Variants in SNAP47 observed in about 807,000 individuals in gnomAD.
SNAP47 encodes the protein synaptosome associated protein 47.
A neutral mutation model predicts 31.4 loss-of-function variants in SNAP47; 20 were observed. That is an observed-to-expected ratio of 0.64 (90% CI 0.45 to 0.93). The LOEUF is 0.93. SNAP47 is among the 40% of genes least tolerant of loss of function. The pLI, the probability that SNAP47 is intolerant of heterozygous loss-of-function variation, is 0.00. For missense variants in SNAP47, 492 were observed against 528.5 expected (o/e 0.93, Z 0.68); for synonymous variants, 194 against 213.4 (o/e 0.91, Z 0.79).
upstream of SNAP47, chr1:227,734,904 G>A: frequency 6.5e-7 from 1 of 1,545,594 alleles, no homozygotes; most frequent in Non-Finnish European, 8.8e-7. Context: ...GGGGCCACGC[G>A]CCTGGCCTCC....
At chr1:227,773,223 A>C (rs917800097) in intron 4 of SNAP47, among the ~76,000 whole-genome samples, 2 of 143,320 alleles carry the variant, frequency 1.4e-5, no homozygotes, top group African/African-American at 5.2e-5. Flanking sequence ...TTCCCTTCTC[A>C]GCCTCCCAAA....
At chr1:227,732,492 T>C (rs1234100940), upstream of SNAP47, 3 of 1,613,186 alleles carry the variant, frequency 1.9e-6, no homozygotes, top group African/African-American at 2.7e-5. Flanking sequence ...GAAGTCGGGG[T>C]GCGCAACCAA....
At chr1:227,778,888 C>T (rs1664304546) in intron 4 of SNAP47, among the ~76,000 whole-genome samples, 1 of 152,198 alleles carries the variant, frequency 6.6e-6, no homozygotes, top group South Asian at 2.1e-4. Flanking sequence ...TGTAGAAGCC[C>T]TGCTGTCTGG....
chr1:227,776,121 C>A, intron 4 of SNAP47: 1 of 1,165,342 alleles, frequency 8.6e-7, no homozygotes, highest in African/African-American at 1.6e-5. Flanking sequence ...TGCTCCCCTT[C>A]CTGGCTCTGA....
At chr1:227,760,371 C>T (rs1662985523) in intron 3 of SNAP47, among the ~76,000 whole-genome samples, 1 of 152,188 alleles carries the variant, frequency 6.6e-6, no homozygotes. Flanking sequence ...CCCAAACATG[C>T]TATTAGGGAT....
chr1:227,756,825 G>A (rs894093570), intron 2 of SNAP47, among the ~76,000 whole-genome samples: 4 of 152,256 alleles, frequency 2.6e-5, no homozygotes, highest in Admixed American at 6.5e-5. Flanking sequence ...AGGGCTGAGC[G>A]TCCTGGTCCT....
At chr1:227,780,406 G>A (rs10799448) in intron 4 of SNAP47, 121 bp from the exon 5 acceptor site, 709,778 of 1,406,484 alleles carry the variant, frequency 0.5, 180,750 homozygotes, top group Middle Eastern at 0.55. Context: ...CTGCTGGCTC[G>A]CAGATGGCAT....
chr1:227,761,064 A>G (rs1663027409), intron 3 of SNAP47, among the ~76,000 whole-genome samples: 1 of 152,248 alleles, frequency 6.6e-6, no homozygotes, highest in Non-Finnish European at 1.5e-5. Context: ...TTGTGCATGT[A>G]TGTGACATGT....
At chr1:227,750,561 C>T (rs1662282014) in intron 2 of SNAP47, among the ~76,000 whole-genome samples, 2 of 152,232 alleles carry the variant, frequency 1.3e-5, no homozygotes, top group African/African-American at 4.8e-5. Context: ...GCCCTCCCGC[C>T]TGTGGGGTTC....
rs1558221001 is a variant in SNAP47 at position 227,780,896 on chromosome 1, T to G, written c.*223T>G. Reference sequence around the variant, plus strand: ...TGCTGCTGGGCAGGACCCGGCCACATGTTCTGCGGATGCTGCAGAAGTGTG... The same window carrying G: ...TGCTGCTGGGCAGGACCCGGCCACAGGTTCTGCGGATGCTGCAGAAGTGTG... On this transcript the variant is annotated 3_prime_UTR_variant, in exon 5 of 5. Coordinates refer to ENST00000617596, the MANE Select transcript of SNAP47 (RefSeq NM_053052.4). 4 of 604,166 alleles carry G rather than the reference T, an allele frequency of 6.6e-6. No individual in the cohort carries two copies. The highest frequency in any genetic ancestry group is 8.6e-6 in the Non-Finnish European group (3 of 348,270). 37.4% of individuals were successfully genotyped at this position (604,166 alleles called of 1,614,324 possible).
At chr1:227,779,259 C>T (rs563329584) in intron 4 of SNAP47, among the ~76,000 whole-genome samples, 3 of 152,336 alleles carry the variant, frequency 2.0e-5, no homozygotes, top group Admixed American at 6.5e-5. Flanking sequence ...GGACCATAGG[C>T]GGGGGCATTG....
intron 3 of SNAP47, among the ~76,000 whole-genome samples, chr1:227,765,402 T>C (rs188973559): frequency 7.3e-4 from 111 of 152,326 alleles, no homozygotes; most frequent in African/African-American, 2.5e-3. Context: ...TCCTCTGAGT[T>C]TGTGGCTGTG....
intron 4 of SNAP47, chr1:227,768,332 G>A (rs963757526): frequency 1.0e-6 from 1 of 985,318 alleles, no homozygotes; most frequent in African/African-American, 1.7e-5. Context: ...CGCAGGGCAT[G>A]GGCTCCCCGT....
chr1:227,769,499 A>C (rs75429875), intron 4 of SNAP47, among the ~76,000 whole-genome samples: 13,691 of 151,956 alleles, frequency 0.09, 689 homozygotes, highest in Middle Eastern at 0.2. Flanking sequence ...ATTTCTGGGG[A>C]AAATAAAAAT....
At chr1:227,733,461 C>T (rs1001585426), upstream of SNAP47, 24 of 1,589,696 alleles carry the variant, frequency 1.5e-5, no homozygotes, top group African/African-American at 1.9e-4. Flanking sequence ...AACACCATCT[C>T]GCCCGCTTCC....
intron 3 of SNAP47, among the ~76,000 whole-genome samples, chr1:227,759,976 C>T (rs937037165): frequency 2.6e-5 from 4 of 152,184 alleles, no homozygotes; most frequent in Non-Finnish European, 4.4e-5. Flanking sequence ...TGTCTCTTTG[C>T]CTGTGTCCGC....
chr1:227,747,541 C>T (rs1662045251), intron 1 of SNAP47, 151 bp from the exon 2 acceptor site: 1 of 754,810 alleles, frequency 1.3e-6, no homozygotes, highest in Non-Finnish European at 2.1e-6. Context: ...GGTACATGGG[C>T]TTCGTCATGC....
At chr1:227,749,970 A>C (rs1307291031) in intron 2 of SNAP47, among the ~76,000 whole-genome samples, 1 of 152,250 alleles carries the variant, frequency 6.6e-6, no homozygotes, top group Non-Finnish European at 1.5e-5. Context: ...ACTTCCTCCT[A>C]GCACCCACAG....
intron 2 of SNAP47, among the ~76,000 whole-genome samples, chr1:227,749,946 G>A (rs750239135): frequency 1.9e-4 from 29 of 152,276 alleles, no homozygotes; most frequent in Non-Finnish European, 2.6e-4. Context: ...GTGATTGTTC[G>A]GAGGAAAGTG....
Sources: gnomAD v4.1 joint callset for allele counts (sites outside exome capture counted in the v4.1 genomes callset) on GRCh38, gnomAD v4.1.1 for gene constraint, MANE v1.5 for transcripts, NCBI Gene and HGNC (gene_info 2026-07-23, HGNC 2026-07-21) for gene names.